The following CEACAM19 variants were observed in gnomAD, a reference collection of about 807,000 sequenced individuals.
CEACAM19 encodes CEA cell adhesion molecule 19.
A neutral mutation model predicts 37.6 loss-of-function variants in CEACAM19; 37 were observed. That is an observed-to-expected ratio of 0.98 (90% CI 0.76 to 1.29). The LOEUF (loss-of-function observed/expected upper bound fraction) is 1.29, where lower values mean the gene tolerates loss of function less well. CEACAM19 is among the 50% of genes most tolerant of loss of function. CEACAM19 has a pLI of 0.00. For missense variants in CEACAM19, 340 were observed against 375.6 expected, an observed-to-expected ratio of 0.91 and a Z score of 0.78; for synonymous variants, 140 against 149.8, an observed-to-expected ratio of 0.93 and a Z score of 0.48.
upstream of CEACAM19, among the ~76,000 whole-genome samples, chr19:44,668,055 TATAA>T (rs1404237762): frequency 1.6e-4 from 14 of 87,126 alleles, no homozygotes; most frequent in South Asian, 1.5e-3. Context: ...TTTATGTATA[TATAA>T]ATATATAATA....
At chr19:44,667,617 T>TTATAAATATATATATATA (rs1410722559), upstream of CEACAM19, among the ~76,000 whole-genome samples, 5,902 of 99,426 alleles carry the variant, frequency 0.059, 236 homozygotes, top group Non-Finnish European at 0.085. Flanking sequence ...ATATATTATA[T>TTATAAATATATATATATA]ATTTATAAAT....
At chr19:44,667,670 AT>A (rs1277646430), upstream of CEACAM19, among the ~76,000 whole-genome samples, 2 of 88,180 alleles carry the variant, frequency 2.3e-5, no homozygotes, top group Admixed American at 2.0e-4. Context: ...ATAAATATAA[AT>A]ATATATTATA....
chr19:44,668,218 ATAT>A (rs935899085), upstream of CEACAM19, among the ~76,000 whole-genome samples: 5 of 85,456 alleles, frequency 5.9e-5, no homozygotes, highest in Non-Finnish European at 1.0e-4. Flanking sequence ...TATTTATATA[ATAT>A]TTATATATTA....
At chr19:44,673,168 G>A (rs182456660) in intron 2 of CEACAM19, among the ~76,000 whole-genome samples, 7 of 152,250 alleles carry the variant, frequency 4.6e-5, no homozygotes, top group Non-Finnish European at 1.0e-4. Flanking sequence ...TGAAATGCCC[G>A]CCTTGTGCCT....
upstream of CEACAM19, among the ~76,000 whole-genome samples, chr19:44,668,564 AT>A (rs1301886628): frequency 3.4e-4 from 8 of 23,194 alleles, no homozygotes; most frequent in South Asian, 4.1e-3. Flanking sequence ...TTATATACAT[AT>A]TATATATGTA....
At chr19:44,680,391 C>A in intron 5 of CEACAM19, 57 bp downstream of exon 5, 1 of 1,465,688 alleles carries the variant, frequency 6.8e-7, no homozygotes, top group Non-Finnish European at 9.5e-7. Flanking sequence ...CCTCCTTTCT[C>A]CCCTATAGCC....
chr19:44,681,049 T>A (rs1277574493), intron 5 of CEACAM19, among the ~76,000 whole-genome samples, 178 bp from the exon 6 acceptor site: 1 of 151,230 alleles, frequency 6.6e-6, no homozygotes, highest in Non-Finnish European at 1.5e-5. Context: ...CTGTAAGTCC[T>A]GGAAGGGCAG....
intron 3 of CEACAM19, 89 bp downstream of exon 3, chr19:44,676,510 C>T: frequency 7.7e-7 from 1 of 1,291,506 alleles, no homozygotes; most frequent in South Asian, 1.3e-5. Context: ...TCATCCGGCT[C>T]ATACACAATC....
chr19:44,672,101 G>C, intron 1 of CEACAM19, 115 bp downstream of exon 1: 1 of 844,090 alleles, frequency 1.2e-6, no homozygotes, highest in South Asian at 1.5e-5. Flanking sequence ...ATTAGAATAA[G>C]ATGGGGGAGG....
At chr19:44,682,428 T>C in intron 6 of CEACAM19, 139 bp from the exon 7 acceptor site, 1 of 804,568 alleles carries the variant, frequency 1.2e-6, no homozygotes, top group Non-Finnish European at 2.0e-6. Flanking sequence ...GTAAGGAAGC[T>C]AATCCCCTCT....
chr19:44,668,566 T>A (rs1344088395), upstream of CEACAM19, among the ~76,000 whole-genome samples: 11 of 64,102 alleles, frequency 1.7e-4, no homozygotes, highest in African/African-American at 2.6e-4. Context: ...ATATACATAT[T>A]ATATATGTAT....
chr19:44,667,686 T>C (rs1208828715), upstream of CEACAM19, among the ~76,000 whole-genome samples: 1 of 85,154 alleles, frequency 1.2e-5, no homozygotes, highest in East Asian at 2.9e-4. Flanking sequence ...ATTATATATA[T>C]AAATATATAA....
chr19:44,672,382 A>G (rs1209363500), intron 1 of CEACAM19: 3 of 480,638 alleles, frequency 6.2e-6, no homozygotes, highest in Non-Finnish European at 1.1e-5. Flanking sequence ...AGGTAGAAAA[A>G]CCTCTGGATC....
chr19:44,672,106 G>C (rs1973865712), intron 1 of CEACAM19, 120 bp downstream of exon 1: 1 of 813,604 alleles, frequency 1.2e-6, no homozygotes, highest in South Asian at 1.6e-5. Flanking sequence ...AATAAGATGG[G>C]GGAGGGGCAA....
At chr19:44,670,051 G>A (rs1973828788), upstream of CEACAM19, among the ~76,000 whole-genome samples, 1 of 152,184 alleles carries the variant, frequency 6.6e-6, no homozygotes, top group African/African-American at 2.4e-5. Context: ...GCCAGGTATG[G>A]TGAGTCACAT....
intron 2 of CEACAM19, 67 bp from the exon 3 acceptor site, chr19:44,676,204 G>C: frequency 1.3e-6 from 2 of 1,525,582 alleles, no homozygotes; most frequent in Middle Eastern, 1.8e-4. Flanking sequence ...AGTCGGTGAG[G>C]GACTGGGGGA....
At chr19:44,667,206 G>C (rs768664047), upstream of CEACAM19, 1 of 151,452 alleles carries the variant, frequency 6.6e-6, no homozygotes, top group Non-Finnish European at 1.5e-5. Flanking sequence ...ACGTGTGTCC[G>C]GAACACTCAG....
chr19:44,676,166 C>A (rs1180327414), intron 2 of CEACAM19, 105 bp from the exon 3 acceptor site: 1 of 1,173,726 alleles, frequency 8.5e-7, no homozygotes, highest in Non-Finnish European at 1.2e-6. Flanking sequence ...GGAAACTGCA[C>A]CTCAGTTCTC....
At chr19:44,681,359 G>C in intron 6 of CEACAM19, 47 bp downstream of exon 6, 1 of 1,329,528 alleles carries the variant, frequency 7.5e-7, no homozygotes, top group South Asian at 1.2e-5. Context: ...GCTAACAGGC[G>C]CCTCCTCTCT....
Sources: gnomAD v4.1 joint callset for allele counts (sites outside exome capture counted in the v4.1 genomes callset) on GRCh38, gnomAD v4.1.1 for gene constraint, MANE v1.5 for transcripts, NCBI Gene and HGNC (gene_info 2026-07-23, HGNC 2026-07-21) for gene names.